The following RAB6A variants were observed in gnomAD, a reference collection of about 807,000 sequenced individuals.
RAB6A encodes the protein ras-related protein Rab-6A.
In RAB6A, 8 loss-of-function variants were observed where a neutral mutation model predicts 32.3. The ratio of observed to expected loss-of-function variants is 0.25; its 90% CI spans 0.15 to 0.45. The LOEUF is 0.45. Among genes scored for constraint, RAB6A ranks in the 20% least tolerant of loss-of-function variants. The pLI is 1.00. For synonymous variants in RAB6A, 73 were observed against 82.1 expected (o/e 0.89, Z 0.60); for missense variants, 104 against 249.4 (o/e 0.42, Z 3.93).
chr11:73,711,250 G>A (rs78313216), intron 5 of RAB6A, among the ~76,000 whole-genome samples: 12 of 152,158 alleles, frequency 7.9e-5, no homozygotes, highest in African/African-American at 1.7e-4. Flanking sequence ...TTGATGCTGA[G>A]CTCCACAGCA....
intron 1 of RAB6A, among the ~76,000 whole-genome samples, chr11:73,747,925 G>A (rs1437923563): frequency 1.3e-5 from 2 of 152,108 alleles, no homozygotes; most frequent in African/African-American, 4.8e-5. Context: ...TATTCCTAAC[G>A]ATGTTAACCT....
intron 6 of RAB6A, among the ~76,000 whole-genome samples, chr11:73,682,902 CA>C (rs1417429503): frequency 6.6e-6 from 1 of 152,106 alleles, no homozygotes. Flanking sequence ...GAGCATTAAA[CA>C]ATGAATTAAA....
At chr11:73,678,392 C>T (rs753780176) in intron 7 of RAB6A, among the ~76,000 whole-genome samples, 7 of 151,984 alleles carry the variant, frequency 4.6e-5, no homozygotes, top group East Asian at 3.9e-4. Flanking sequence ...TGAGGCAGGC[C>T]GAACACCTGA....
At chr11:73,687,475 T>C (rs1273464817) in intron 6 of RAB6A, among the ~76,000 whole-genome samples, 1 of 152,210 alleles carries the variant, frequency 6.6e-6, no homozygotes, top group East Asian at 1.9e-4. Context: ...TGAGCCACTG[T>C]GCCCAGCTCA....
chr11:73,691,327 T>A (rs1053465091), intron 6 of RAB6A, among the ~76,000 whole-genome samples: 1 of 152,160 alleles, frequency 6.6e-6, no homozygotes, highest in Non-Finnish European at 1.5e-5. Context: ...GAGCATCCCC[T>A]GGGCACCCAG....
intron 1 of RAB6A, among the ~76,000 whole-genome samples, chr11:73,754,123 A>C (rs1410395442): frequency 1.3e-5 from 2 of 152,238 alleles, no homozygotes; most frequent in Non-Finnish European, 2.9e-5. Context: ...TAATCTGCCA[A>C]AGGTCAGTAG....
intron 5 of RAB6A, among the ~76,000 whole-genome samples, chr11:73,714,428 A>T (rs985545614): frequency 1.3e-5 from 2 of 150,628 alleles, no homozygotes; most frequent in African/African-American, 4.9e-5. Flanking sequence ...TTGGAAGGCC[A>T]AGGCAGGCGG....
rs541961785 is a variant in RAB6A at position 73,749,635 on chromosome 11, G to A, written c.70+10931C>T. Among the ~76,000 whole-genome samples the A allele has an allele frequency of 1.4e-4, 21 of 152,358 alleles. No individual in the cohort carries two copies. The Middle Eastern group carries it at 0.01, about 74-fold the overall frequency. On this transcript the variant is annotated intron_variant, in intron 1 of 7. Coordinates refer to ENST00000336083, the MANE Select transcript of RAB6A (RefSeq NM_198896.2). ...GAGGCCAGAGGATCACTCGAGGCCA[G>A]AGCATTGCTCAAGGCCAAGAGTTTG...
intron 6 of RAB6A, among the ~76,000 whole-genome samples, chr11:73,704,938 G>A (rs887668942): frequency 1.3e-5 from 2 of 151,762 alleles, no homozygotes; most frequent in African/African-American, 4.8e-5. Flanking sequence ...GGAGCTTGCA[G>A]TGAGCCGAGA....
chr11:73,719,527 G>A (rs1946103665), intron 3 of RAB6A, among the ~76,000 whole-genome samples: 1 of 151,978 alleles, frequency 6.6e-6, no homozygotes, highest in Non-Finnish European at 1.5e-5. Context: ...ATGTCTTTAC[G>A]TACTATCCAT....
intron 6 of RAB6A, among the ~76,000 whole-genome samples, chr11:73,680,467 C>T (rs1170060731): frequency 6.6e-6 from 1 of 152,176 alleles, no homozygotes; most frequent in South Asian, 2.1e-4. Flanking sequence ...CCAGCCTGGA[C>T]ATGGTGAAAC....
At chr11:73,678,435 G>C (rs886317412) in intron 7 of RAB6A, among the ~76,000 whole-genome samples, 1 of 151,996 alleles carries the variant, frequency 6.6e-6, no homozygotes, top group African/African-American at 2.4e-5. Context: ...TGGCCAACAT[G>C]GCGAAACCCC....
chr11:73,731,670 T>C (rs537111745), intron 1 of RAB6A, among the ~76,000 whole-genome samples: 2 of 136,852 alleles, frequency 1.5e-5, no homozygotes, highest in East Asian at 4.2e-4. Context: ...TATTGTGAGA[T>C]AGATAGATAG....
intron 6 of RAB6A, among the ~76,000 whole-genome samples, chr11:73,705,887 G>A (rs1278643415): frequency 6.6e-6 from 1 of 152,112 alleles, no homozygotes; most frequent in East Asian, 1.9e-4. Context: ...AGGTGTCACA[G>A]ACAGGAGGTA....
Position 73,745,065 on chromosome 11 carries a change from A to G in RAB6A, c.71-14242T>C, listed in dbSNP as rs750115184. On this transcript the variant is annotated intron_variant, in intron 1 of 7. Coordinates refer to ENST00000336083, the MANE Select transcript of RAB6A (RefSeq NM_198896.2). ...TTTATCAGCATTATTTCACTCAAAC[A>G]CTTAAGTGTAGAAATTTTAAATAAA... Among the ~76,000 whole-genome samples the G allele has an allele frequency of 5.9e-5, 9 of 152,140 alleles. No individual in the cohort carries two copies. The South Asian group carries it at 1.0e-3, about 17-fold the overall frequency.
chr11:73,744,623 G>C (rs935707411), intron 1 of RAB6A, among the ~76,000 whole-genome samples: 9 of 150,970 alleles, frequency 6.0e-5, no homozygotes, highest in Non-Finnish European at 8.8e-5. Context: ...GTATCATAAG[G>C]ACAAAAAGAG....
chr11:73,746,890 T>A (rs566785549), intron 1 of RAB6A, among the ~76,000 whole-genome samples: 18 of 152,314 alleles, frequency 1.2e-4, no homozygotes, highest in African/African-American at 3.4e-4. Context: ...CTCAATTTCC[T>A]CACGGTAAAA....
At chr11:73,733,669 T>A (rs1179172369) in intron 1 of RAB6A, among the ~76,000 whole-genome samples, 2 of 152,016 alleles carry the variant, frequency 1.3e-5, no homozygotes, top group Admixed American at 1.3e-4. Context: ...TAAAATTGTA[T>A]GAACAAATTT....
intron 1 of RAB6A, among the ~76,000 whole-genome samples, 163 bp from the exon 2 acceptor site, chr11:73,730,986 T>C (rs1411839116): frequency 6.6e-6 from 1 of 152,228 alleles, no homozygotes; most frequent in African/African-American, 2.4e-5. Flanking sequence ...CAAAATGACT[T>C]TCTCCAAACA....
Sources: allele counts gnomAD v4.1 joint callset (sites outside exome capture counted in the v4.1 genomes callset), GRCh38; gene constraint gnomAD v4.1.1; transcripts MANE v1.5; gene names NCBI Gene and HGNC (gene_info 2026-07-23, HGNC 2026-07-21).